Variants in RIC8B observed in about 807,000 individuals in gnomAD.
RIC8B encodes the protein chaperone Ric-8B.
Under a neutral mutation model 57.5 loss-of-function variants are expected in RIC8B, and 16 were observed. That is an observed-to-expected ratio of 0.28 (90% CI 0.19 to 0.42). The LOEUF (loss-of-function observed/expected upper bound fraction) is 0.42, where lower values mean the gene tolerates loss of function less well. Ranked by LOEUF, RIC8B falls within the 10% of genes least tolerant of loss-of-function variation. The pLI, the probability that RIC8B is intolerant of heterozygous loss-of-function variation, is 1.00. For synonymous variants in RIC8B, 216 were observed against 250.8 expected, an observed-to-expected ratio of 0.86 and a Z score of 1.31; for missense variants, 481 against 677.0, an observed-to-expected ratio of 0.71 and a Z score of 3.21.
intron 4 of RIC8B, among the ~76,000 whole-genome samples, chr12:106,838,054 A>G (rs1467844617): frequency 6.6e-6 from 1 of 152,232 alleles, no homozygotes; most frequent in Non-Finnish European, 1.5e-5. Context: ...TTGGAATTCT[A>G]AGTAAATACC....
intron 4 of RIC8B, among the ~76,000 whole-genome samples, chr12:106,838,169 G>A (rs980232215): frequency 6.6e-6 from 1 of 152,062 alleles, no homozygotes; most frequent in African/African-American, 2.4e-5. Flanking sequence ...AAAGAGTCCA[G>A]AAATAAACTC....
chr12:106,848,159 A>C (rs1161592281), intron 6 of RIC8B, among the ~76,000 whole-genome samples: 1 of 152,172 alleles, frequency 6.6e-6, no homozygotes, highest in Non-Finnish European at 1.5e-5. Context: ...GTAAGGAGAG[A>C]GCCATGCAAG....
chr12:106,822,002 C>T (rs559593116), intron 3 of RIC8B, among the ~76,000 whole-genome samples: 97 of 139,496 alleles, frequency 7.0e-4, no homozygotes, highest in African/African-American at 2.0e-3. Flanking sequence ...GGCGTGAATC[C>T]GGGAGGCGGA....
intron 5 of RIC8B, 108 bp from the exon 6 acceptor site, chr12:106,843,744 A>AT: frequency 5.0e-6 from 3 of 596,562 alleles, no homozygotes; most frequent in Non-Finnish European, 8.2e-6. Flanking sequence ...AAAAAAAAAA[A>AT]GTCCCCACCT....
rs1951175958 is a variant in RIC8B at position 106,886,123 on chromosome 12, A to G, written c.*108A>G. On this transcript the variant is annotated 3_prime_UTR_variant, in exon 10 of 10. Transcript: ENST00000392837. ...TTATGCCCTTGCTTTGGCTAGAAAC[A>G]CATTAACTGGTTTACTCATTGAGAA... 7.8e-6 allele frequency: 6 copies of G among 767,014 alleles called. No individual in the cohort carries two copies. The highest frequency in any genetic ancestry group is 1.3e-5 in the Non-Finnish European group (6 of 457,470). 47.5% of individuals were successfully genotyped at this position (767,014 alleles called of 1,614,324 possible).
intron 8 of RIC8B, among the ~76,000 whole-genome samples, chr12:106,868,887 C>T (rs1950265109): frequency 1.4e-5 from 2 of 139,984 alleles, no homozygotes; most frequent in Non-Finnish European, 3.0e-5. Flanking sequence ...CGGAGTCTCG[C>T]TCTGTCACCC....
intron 6 of RIC8B, among the ~76,000 whole-genome samples, chr12:106,847,152 G>C (rs1949230495): frequency 6.6e-6 from 1 of 152,134 alleles, no homozygotes; most frequent in Non-Finnish European, 1.5e-5. Flanking sequence ...TATTATTCTG[G>C]AGAGGCTTAT....
chr12:106,815,000 ACCT>A lies in RIC8B; in HGVS notation c.441_443del (p.Leu148del), dbSNP rs2045506554. 1 of 1,614,018 alleles carries A rather than the reference ACCT, an allele frequency of 6.2e-7. No individual in the cohort carries two copies. Among genetic ancestry groups the A allele is most frequent in the African/African-American group, 1.3e-5 (1 of 74,906 alleles). ...CTTAATCTTGCTGCAAAGCTCTGTA[ACCT>A]CCTGAGAAAGTGCAAGGACCGGAAA... is the stretch of plus-strand genomic sequence containing the variant. On this transcript the variant is annotated inframe_deletion, in exon 3 of 10. Coordinates refer to ENST00000392837, the MANE Select transcript of RIC8B (RefSeq NM_001330145.2).
intron 8 of RIC8B, among the ~76,000 whole-genome samples, chr12:106,870,356 T>G (rs774241193): frequency 4.6e-5 from 7 of 152,212 alleles, no homozygotes; most frequent in African/African-American, 7.2e-5. Context: ...TTCCTGAGAT[T>G]ATAAATTGGC....
chr12:106,822,360 G>A (rs1467987050), intron 3 of RIC8B: 1 of 152,100 alleles, frequency 6.6e-6, no homozygotes, highest in Admixed American at 6.6e-5. Flanking sequence ...AGCAGTACCT[G>A]GTAAAGATTG....
chr12:106,885,509 A>G (rs775197102), intron 9 of RIC8B, among the ~76,000 whole-genome samples: 2 of 151,792 alleles, frequency 1.3e-5, no homozygotes. Context: ...ATTTAATTGT[A>G]TGCTCCAACC....
intron 3 of RIC8B, among the ~76,000 whole-genome samples, chr12:106,821,415 T>TCCCATG (rs2045834998): frequency 6.6e-6 from 1 of 152,220 alleles, no homozygotes; most frequent in Non-Finnish European, 1.5e-5. Flanking sequence ...CTTTATCAAT[T>TCCCATG]GTATGGCCAT....
chr12:106,810,934 T>C (rs148509699), intron 2 of RIC8B, among the ~76,000 whole-genome samples: 2 of 152,310 alleles, frequency 1.3e-5, no homozygotes, highest in African/African-American at 2.4e-5. Context: ...AAGGCCACAA[T>C]TGTTCAGAAG....
At chr12:106,846,743 A>T (rs1949208539) in intron 6 of RIC8B, among the ~76,000 whole-genome samples, 1 of 150,318 alleles carries the variant, frequency 6.7e-6, no homozygotes, top group Non-Finnish European at 1.5e-5. Context: ...AAAAAAACCT[A>T]TTAGTTAAAT....
chr12:106,862,020 T>C (rs1244383070), intron 8 of RIC8B, among the ~76,000 whole-genome samples: 1 of 152,088 alleles, frequency 6.6e-6, no homozygotes, highest in African/African-American at 2.4e-5. Context: ...GAAAATAGAA[T>C]TATGTTACAT....
intron 2 of RIC8B, among the ~76,000 whole-genome samples, chr12:106,790,122 A>C (rs2044203438): frequency 6.6e-6 from 1 of 152,204 alleles, no homozygotes; most frequent in South Asian, 2.1e-4. Context: ...GGCTCATATG[A>C]ATGACAGCTT....
At chr12:106,780,090 AG>A (rs955769924) in intron 1 of RIC8B, among the ~76,000 whole-genome samples, 5 of 152,098 alleles carry the variant, frequency 3.3e-5, no homozygotes, top group African/African-American at 9.7e-5. Flanking sequence ...ACTGTGACTA[AG>A]GGCCCTGAGG....
chr12:106,838,784 C>A (rs1566114524), intron 4 of RIC8B, among the ~76,000 whole-genome samples: 1 of 151,614 alleles, frequency 6.6e-6, no homozygotes, highest in Non-Finnish European at 1.5e-5. Flanking sequence ...CCATATACCT[C>A]AAGAGGTTAA....
In RIC8B at chr12:106,792,128, A is replaced by G. The variant is rs563656646; in HGVS notation, c.132+8084A>G. On this transcript the variant is annotated intron_variant, in intron 2 of 9. Coordinates refer to ENST00000392837, the MANE Select transcript of RIC8B (RefSeq NM_001330145.2). ...TTTAAAATAATTGCACACAATACCA[A>G]AAGTACATCTAAACCTTTTACTTTT... 2.0e-5 allele frequency among the ~76,000 whole-genome samples: 3 copies of G among 152,326 alleles called. No individual in the cohort carries two copies. In the East Asian group the frequency reaches 5.8e-4, roughly 29 times the overall value.
Sources: gnomAD v4.1 joint callset for allele counts (sites outside exome capture counted in the v4.1 genomes callset) on GRCh38, gnomAD v4.1.1 for gene constraint, MANE v1.5 for transcripts, NCBI Gene and HGNC (gene_info 2026-07-23, HGNC 2026-07-21) for gene names.